AUH: variants seen among roughly 807,000 people sequenced by gnomAD.
AUH encodes the protein methylglutaconyl-CoA hydratase, mitochondrial.
AUH carries 29 observed loss-of-function variants against 42.3 expected under a neutral mutation model. That is an observed-to-expected ratio of 0.69 (90% CI 0.51 to 0.93). The LOEUF (loss-of-function observed/expected upper bound fraction) is 0.93, where lower values mean the gene tolerates loss of function less well. Ranked by LOEUF, AUH falls within the 40% of genes least tolerant of loss-of-function variation. AUH has a pLI of 0.00. For synonymous variants in AUH, 174 were observed against 166.4 expected, an observed-to-expected ratio of 1.05 and a Z score of -0.35; for missense variants, 452 against 438.1, an observed-to-expected ratio of 1.03 and a Z score of -0.28.
rs113531404 is a variant in AUH at position 91,216,439 on chromosome 9, GACACACACACAC to G, written c.895-345_895-334del. 1.0e-4 allele frequency among the ~76,000 whole-genome samples: 15 copies of G among 149,626 alleles called. No homozygotes were observed. In the South Asian group the frequency reaches 2.8e-3, roughly 28 times the overall value. On this transcript the variant is annotated intron_variant, in intron 8 of 9. Coordinates refer to ENST00000375731, the MANE Select transcript of AUH (RefSeq NM_001698.3). ...AATCTAGGTGAGGCCTTTATGTCGCGACACACACACACACACACACACACGATGCTTAATACA... is the reference window on the plus strand; with the variant it reads ...AATCTAGGTGAGGCCTTTATGTCGCGACACACACACACGATGCTTAATACA...
intron 6 of AUH, chr9:91,294,780 C>T: frequency 2.2e-6 from 1 of 455,364 alleles, no homozygotes; most frequent in Non-Finnish European, 4.4e-6. Flanking sequence ...GGATTCAAGA[C>T]TTCAGTGGAG....
At chr9:91,250,434 T>TA (rs1829062736) in intron 6 of AUH, among the ~76,000 whole-genome samples, 1 of 152,236 alleles carries the variant, frequency 6.6e-6, no homozygotes, top group Admixed American at 6.5e-5. Flanking sequence ...GAGGATCAGT[T>TA]ACAGCAGGAG....
intron 6 of AUH, among the ~76,000 whole-genome samples, chr9:91,274,207 A>G (rs1825371138): frequency 1.3e-5 from 2 of 152,270 alleles, no homozygotes; most frequent in Admixed American, 1.3e-4. Context: ...TAAAAATCCT[A>G]GAAAATACAA....
chr9:91,353,930 G>A (rs1379190266), intron 3 of AUH, among the ~76,000 whole-genome samples: 1 of 151,556 alleles, frequency 6.6e-6, no homozygotes, highest in African/African-American at 2.4e-5. Flanking sequence ...CCTTTGGGAT[G>A]CCGAGGCAGG....
At chr9:91,349,113 T>C (rs770431368) in intron 3 of AUH, among the ~76,000 whole-genome samples, 4 of 152,242 alleles carry the variant, frequency 2.6e-5, no homozygotes, top group Non-Finnish European at 4.4e-5. Flanking sequence ...GGTTACTTCA[T>C]AGTCCAACGT....
chr9:91,233,048 G>C (rs766099350), intron 6 of AUH, among the ~76,000 whole-genome samples: 2 of 152,130 alleles, frequency 1.3e-5, no homozygotes, highest in East Asian at 1.9e-4. Flanking sequence ...ACTATGGAGG[G>C]ACCCTGTTTT....
chr9:91,228,227 C>T lies in AUH; in HGVS notation c.656-7235G>A, dbSNP rs1454988427. 2.6e-5 allele frequency among the ~76,000 whole-genome samples: 4 copies of T among 152,212 alleles called. No individual in the cohort carries two copies. In the East Asian group the frequency reaches 7.7e-4, roughly 29 times the overall value. ...AAGCTATTGATTATTGCCACAATTT[C>T]ACATCCTGTTATTGGTCTATTCAGA... On this transcript the variant is annotated intron_variant, in intron 6 of 9. Transcript: ENST00000375731.
chr9:91,352,497 A>G (rs1832068936), intron 3 of AUH, among the ~76,000 whole-genome samples: 1 of 152,154 alleles, frequency 6.6e-6, no homozygotes, highest in Admixed American at 6.5e-5. Flanking sequence ...ATTTTCATAC[A>G]TTTTGACCTA....
At chr9:91,285,663 T>G (rs1484127420) in intron 6 of AUH, among the ~76,000 whole-genome samples, 1 of 152,110 alleles carries the variant, frequency 6.6e-6, no homozygotes, top group Admixed American at 6.6e-5. Context: ...TACATAAACC[T>G]GTTTATTCCA....
At chr9:91,227,174 C>T (rs893879086) in intron 6 of AUH, among the ~76,000 whole-genome samples, 3 of 150,952 alleles carry the variant, frequency 2.0e-5, no homozygotes, top group African/African-American at 7.3e-5. Flanking sequence ...TTGATTCTTC[C>T]TACCCATGAG....
At chr9:91,282,916 T>C (rs1238147449) in intron 6 of AUH, among the ~76,000 whole-genome samples, 2 of 152,140 alleles carry the variant, frequency 1.3e-5, no homozygotes, top group East Asian at 3.9e-4. Context: ...CTTCTGAAAC[T>C]ATTCCAATCA....
chr9:91,283,110 C>T lies in AUH; in HGVS notation c.655+12911G>A, dbSNP rs560168089. ...CCAGCAGCACATCAAAAAGCTTATC[C>T]ACCATGATCAAGTGGGCTTCATCCC... On this transcript the variant is annotated intron_variant, in intron 6 of 9. Coordinates refer to ENST00000375731, the MANE Select transcript of AUH (RefSeq NM_001698.3). 2.5e-3 allele frequency among the ~76,000 whole-genome samples: 384 copies of T among 152,260 alleles called. 1 individual carries two copies. The highest frequency in any genetic ancestry group is 8.2e-3 in the African/African-American group (342 of 41,528).
At chr9:91,308,705 G>T (rs1463052215) in intron 4 of AUH, among the ~76,000 whole-genome samples, 1 of 151,738 alleles carries the variant, frequency 6.6e-6, no homozygotes, top group East Asian at 1.9e-4. Flanking sequence ...AAAAGACACA[G>T]TGAACATAAA....
intron 6 of AUH, among the ~76,000 whole-genome samples, chr9:91,247,539 A>G (rs1457384579): frequency 2.6e-5 from 4 of 152,092 alleles, no homozygotes; most frequent in Admixed American, 2.0e-4. Context: ...CAAGGAATCT[A>G]TTCTCCAATT....
chr9:91,237,285 C>T (rs191432924), intron 6 of AUH, among the ~76,000 whole-genome samples: 2 of 152,168 alleles, frequency 1.3e-5, no homozygotes, highest in African/African-American at 4.8e-5. Flanking sequence ...CCTGGTGATG[C>T]GGTAAAGCTG....
intron 6 of AUH, among the ~76,000 whole-genome samples, chr9:91,250,621 AC>A (rs1383403607): frequency 1.3e-5 from 2 of 152,208 alleles, no homozygotes; most frequent in Admixed American, 1.3e-4. Flanking sequence ...TAATCTGCAT[AC>A]CCGTATTTTA....
In AUH at chr9:91,291,322, T is replaced by A. The variant is rs542835360; in HGVS notation, c.655+4699A>T. Among the ~76,000 whole-genome samples the A allele has an allele frequency of 2.0e-5, 3 of 151,564 alleles. No homozygotes were observed. In the East Asian group the frequency reaches 5.8e-4, roughly 29 times the overall value. ...TTGGTGTCTGTTGGGGGGGTGGGGG[T>A]GGAGGCGGCATGCCATCCAACCCAC... On this transcript the variant is annotated intron_variant, in intron 6 of 9. Transcript: ENST00000375731.
intron 6 of AUH, among the ~76,000 whole-genome samples, chr9:91,269,738 G>GT (rs1289973387): frequency 6.6e-6 from 1 of 152,206 alleles, no homozygotes; most frequent in Non-Finnish European, 1.5e-5. Flanking sequence ...TTGAAGAAAT[G>GT]TTTGAGTTCA....
At chr9:91,309,685 G>A (rs1314361861) in intron 4 of AUH, among the ~76,000 whole-genome samples, 2 of 152,194 alleles carry the variant, frequency 1.3e-5, no homozygotes, top group Admixed American at 1.3e-4. Context: ...TGAAGAGGGT[G>A]AGAGGTGAAA....
Sources: gnomAD v4.1 joint callset for allele counts (sites outside exome capture counted in the v4.1 genomes callset) on GRCh38, gnomAD v4.1.1 for gene constraint, MANE v1.5 for transcripts, NCBI Gene and HGNC (gene_info 2026-07-23, HGNC 2026-07-21) for gene names.